TAF1C: variants seen among roughly 807,000 people sequenced by gnomAD.
TAF1C encodes TATA-box binding protein associated factor, RNA polymerase I subunit C, also known as TATA box-binding protein-associated factor RNA polymerase I subunit C.
TAF1C carries 79 observed loss-of-function variants against 70.5 expected under a neutral mutation model. That is an observed-to-expected ratio of 1.12 (90% confidence interval 0.93 to 1.35). The LOEUF (loss-of-function observed/expected upper bound fraction) is 1.35, where lower values mean the gene tolerates loss of function less well. Among genes scored for constraint, TAF1C ranks in the 40% most tolerant of loss-of-function variants. The probability of loss-of-function intolerance (pLI) is 0.00; values close to 1 mark genes in which losing one functional copy is unlikely to be tolerated. For missense variants in TAF1C, 1,412 were observed against 1,127.8 expected (o/e 1.25, Z -3.61); for synonymous variants, 614 against 491.1 (o/e 1.25, Z -3.31).
intron 12 of TAF1C, chr16:84,180,679 C>T (rs1456845524): frequency 1.3e-6 from 1 of 788,094 alleles, no homozygotes; most frequent in African/African-American, 1.8e-5. Context: ...TCGAGGCACG[C>T]CTACGAATGT....
At chr16:84,186,721 C>T (rs929339241) in intron 1 of TAF1C, among the ~76,000 whole-genome samples, 180 bp downstream of exon 1, 2 of 152,204 alleles carry the variant, frequency 1.3e-5, no homozygotes, top group African/African-American at 2.4e-5. Flanking sequence ...TCTCCAGGAC[C>T]CTTTAGACCT....
intron 12 of TAF1C, chr16:84,180,812 T>C: frequency 7.6e-7 from 1 of 1,307,878 alleles, no homozygotes; most frequent in Non-Finnish European, 9.8e-7. Context: ...GCTCCACCCC[T>C]GGCTGCACCT....
Position 84,180,179 on chromosome 16 carries a change from G to C in TAF1C, c.1474C>G (p.His492Asp), listed in dbSNP as rs4150165. Reference protein sequence around the residue: ...GGQGGQLQLLHLAGEGASVPR... With the variant: ...GGQGGQLQLLDLAGEGASVPR... Reference sequence around the variant, plus strand: ...TGGCCTGGACCCTCACCTGCCAGGTGCAGCAGCTGCAGCTGCCCACCCTGG... The same window carrying C: ...TGGCCTGGACCCTCACCTGCCAGGTCCAGCAGCTGCAGCTGCCCACCCTGG... The change falls in exon 13 of 15, where the codon CAC (histidine) becomes GAC (aspartate). Residue 492 changes from histidine to aspartate, a missense_variant. Transcript: ENST00000566732. The C allele has an allele frequency of 3.2e-6, 5 of 1,546,694 alleles. No homozygotes were observed. The highest frequency in any genetic ancestry group is 4.3e-6 in the Non-Finnish European group (5 of 1,154,734).
rs1030631782 is a variant in TAF1C, at chr16:84,177,960, G to C, written c.*981C>G. The C allele has an allele frequency of 2.6e-5, 22 of 857,662 alleles. No individual in the cohort carries two copies. The African/African-American group carries it at 3.5e-4, about 14-fold the overall frequency. 53.1% of individuals were successfully genotyped at this position (857,662 alleles called of 1,614,324 possible). A position where few individuals can be genotyped will look rare whatever the true frequency, so the allele number is the denominator to read the frequency against. On this transcript the variant is annotated 3_prime_UTR_variant, in exon 15 of 15. Coordinates refer to ENST00000566732, the MANE Select transcript of TAF1C (RefSeq NM_001243156.2). ...ATTGGGCTAGCTCCTGTTTGTGTGA[G>C]TCACATGCAATTCCTTTCACCAGCC... is the stretch of plus-strand genomic sequence containing the variant.
intron 1 of TAF1C, among the ~76,000 whole-genome samples, chr16:84,186,219 C>T (rs1453686821): frequency 2.0e-5 from 3 of 152,182 alleles, no homozygotes; most frequent in African/African-American, 4.8e-5. Context: ...TCGCATGCAC[C>T]GAAATGCAAA....
chr16:84,180,403 C>T, intron 12 of TAF1C, 59 bp from the exon 13 acceptor site: 1 of 1,487,866 alleles, frequency 6.7e-7, no homozygotes, highest in African/African-American at 1.4e-5. Context: ...TGTGTAGTGG[C>T]CCTCCAGGCC....
rs1390617432 is a variant in TAF1C, at chr16:84,179,483, GC to G, written c.1989del (p.Gln664SerfsTer24). On this transcript the variant is annotated frameshift_variant, in exon 15 of 15. Transcript: ENST00000566732. LOFTEE classifies it low-confidence loss of function (END_TRUNC). The part of the protein sequence containing the change: ...LGVLRKAMAR[G>X]QLLLQRDLGS... ...CCCAGGTCTCTCTGCAGCAGGAGCT[GC>G]CCTCGGGCCATGGCCTTGCGGAGCA... The G allele has an allele frequency of 6.3e-7, 1 of 1,599,154 alleles. No individual in the cohort carries two copies. The highest frequency in any genetic ancestry group is 8.5e-7 in the Non-Finnish European group (1 of 1,175,908).
chr16:84,183,418 T>A lies in TAF1C; in HGVS notation c.310A>T (p.Thr104Ser), dbSNP rs1224197821. ...RKRPRVVLDV[T>S]EQISRFLLDH... The stretch of plus-strand genomic sequence containing the variant: ...CCCGTGGGCCCACTCACCTGCTCAG[T>A]CACATCCAGCACGACTCGGGGCCGC... The change falls in exon 4 of 15, where the codon ACT becomes TCT. Residue 104 changes from threonine to serine, a missense_variant. Thr to Ser is a moderately conservative substitution (Grantham distance 58). Transcript: ENST00000566732. The A allele has an allele frequency of 3.7e-6, 6 of 1,612,896 alleles. No individual in the cohort carries two copies. In the African/African-American group the frequency reaches 8.0e-5, roughly 22 times the overall value.
chr16:84,179,568 G>A lies in TAF1C; in HGVS notation c.1905C>T (p.Arg635=), dbSNP rs779410452. 1.2e-6 allele frequency: 2 copies of A among 1,612,546 alleles called. No individual in the cohort carries two copies. Among genetic ancestry groups the A allele is most frequent in the African/African-American group, 2.7e-5 (2 of 74,924 alleles). ...GCAGCTCTGTGCTGCCCAGCATCTG[G>A]CGGTGGGTGAAGGTGGGTGCTGTCC... ...PVWTAPTFTH[R]QMLGSTELRR... Residue 635 remains arginine (R), a synonymous_variant, in exon 15 of 15, where the codon CGC becomes CGT. Transcript: ENST00000566732.
At position 84,182,116 on chromosome 16, in the gene TAF1C, T is replaced by G; in HGVS notation, c.722-58A>C. 6.3e-7 allele frequency: 1 copy of G among 1,593,356 alleles called. No individual in the cohort carries two copies. Among genetic ancestry groups the G allele is most frequent in the Non-Finnish European group, 8.6e-7 (1 of 1,168,418 alleles). ...TATGATCACTGCAAGCCCCCCAAAT[T>G]CCTGCCCTTCTCTGGACCATGCCAA... On this transcript the variant is annotated intron_variant, in intron 7 of 14. Coordinates refer to ENST00000566732, the MANE Select transcript of TAF1C (RefSeq NM_001243156.2). This position sits in a 1 kb window ranked among gnomAD's most constrained non-coding sequence, Gnocchi z 5.0.
chr16:84,179,897 G>A (rs368523970), intron 14 of TAF1C, 46 bp from the exon 15 acceptor site: 16 of 1,609,024 alleles, frequency 9.9e-6, no homozygotes, highest in Non-Finnish European at 1.4e-5. Context: ...GCGGGGGGAG[G>A]GGATGTTTTC....
chr16:84,178,699 G>A lies in TAF1C; in HGVS notation c.*242C>T, dbSNP rs893150131. ...AAAATCCCAGCAACACAGGCCCACC[G>A]GCACCTCCAGCCTGCCTTGCGGGAT... is the stretch of plus-strand genomic sequence containing the variant. On this transcript the variant is annotated 3_prime_UTR_variant, in exon 15 of 15. Coordinates refer to ENST00000566732, the MANE Select transcript of TAF1C (RefSeq NM_001243156.2). 3.4e-5 allele frequency: 19 copies of A among 564,952 alleles called. No homozygotes were observed. The highest frequency in any genetic ancestry group is 4.7e-4 in the Middle Eastern group (1 of 2,114). The allele number at this position is 564,952 out of a possible 1,614,324, so 35.0% of individuals were successfully genotyped here.
rs1230978742 is a variant in TAF1C, at chr16:84,179,454, G to A, written c.2019C>T (p.Ser673=). The A allele has an allele frequency of 1.3e-6, 2 of 1,597,608 alleles. No individual in the cohort carries two copies. Among genetic ancestry groups the A allele is most frequent in the Non-Finnish European group, 8.5e-7 (1 of 1,177,036 alleles). The change falls in exon 15 of 15, where the codon TCC becomes TCT. Residue 673 remains serine (S), a synonymous_variant. Transcript: ENST00000566732. ...GQLLLQRDLG[S]LPAAEPPPAP... The stretch of plus-strand genomic sequence containing the variant: ...CAGGGGGTGGCTCTGCCGCAGGGAG[G>A]GAGCCCAGGTCTCTCTGCAGCAGGA...
In TAF1C at chr16:84,180,844, C is replaced by T. The variant is rs1419683360; in HGVS notation, c.1308+199G>A. 5.0e-6 allele frequency: 7 copies of T among 1,407,136 alleles called. No individual in the cohort carries two copies. In the African/African-American group the frequency reaches 1.0e-4, roughly 20 times the overall value. The allele number at this position is 1,407,136 out of a possible 1,614,324, so 87.2% of individuals were successfully genotyped here. A position where few individuals can be genotyped will look rare whatever the true frequency, so the allele number is the denominator to read the frequency against. ...ACCTCGAAGCTCTACTAAGGGGAGG[C>T]CCTGGGAGAGCTTCCCCACCTGCCT... On this transcript the variant is annotated intron_variant, in intron 12 of 14. Transcript: ENST00000566732.
At chr16:84,186,243 G>A (rs4150116) in intron 1 of TAF1C, among the ~76,000 whole-genome samples, 39,878 of 152,192 alleles carry the variant, frequency 0.26, 6,147 homozygotes, top group Admixed American at 0.39. Context: ...TAGCATTAGA[G>A]TCTCGCTATA....
At position 84,182,478 on chromosome 16, in the gene TAF1C, C is replaced by T. The variant is rs2089260580; in HGVS notation, c.483-38G>A. On this transcript the variant is annotated intron_variant, in intron 6 of 14. Coordinates refer to ENST00000566732, the MANE Select transcript of TAF1C (RefSeq NM_001243156.2). The surrounding 1 kb of genome is among the most constrained non-coding windows in gnomAD (Gnocchi z 5.0). ...GAACAGCAGGAGGATCACTCGGTGG[C>T]ACTCAGGGGAGGACAGGTCCCATCC... The T allele has an allele frequency of 5.1e-6, 8 of 1,566,482 alleles. No individual in the cohort carries two copies. In the African/African-American group the frequency reaches 5.4e-5, roughly 11 times the overall value.
In TAF1C at chr16:84,183,705, G is replaced by A. The variant is rs369176677; in HGVS notation, c.212C>T (p.Pro71Leu). The A allele has an allele frequency of 4.2e-5, 68 of 1,612,056 alleles. No homozygotes were observed. In the Middle Eastern group the frequency reaches 2.6e-3, roughly 61 times the overall value. ...GGGAATGAGACCCTTACCGATGAGG[G>A]GAGGCAGCATGGGGAGAGGCCCAGG... ...ATPGPLPMLP[P>L]LIDPWDPGLT... The change falls in exon 3 of 15, where the codon CCC (proline) becomes CTC (leucine). Residue 71 changes from proline to leucine, a missense_variant. Pro to Leu is a moderately conservative substitution (Grantham distance 98). Transcript: ENST00000566732.
Position 84,181,144 on chromosome 16 carries a change from C to G in TAF1C, c.1207G>C (p.Glu403Gln), listed in dbSNP as rs769315125. The change falls in exon 12 of 15, where the codon GAG becomes CAG. Residue 403 changes from glutamate (E) to glutamine (Q), a missense_variant. Coordinates refer to ENST00000566732, the MANE Select transcript of TAF1C (RefSeq NM_001243156.2). ...CGTTCCCCTTTCTGGCACGAAGCCT[C>G]TGCCCCCAAACGAAAAAGCAACAGA... ...CGLLLFRLGA[E>Q]ASCQKGERVL... is the part of the protein sequence containing the mutation. 1 of 1,612,330 alleles carries G rather than the reference C, an allele frequency of 6.2e-7. No homozygotes were observed. Among genetic ancestry groups the G allele is most frequent in the Non-Finnish European group, 8.5e-7 (1 of 1,178,550 alleles).
chr16:84,179,155 G>A lies in TAF1C; in HGVS notation c.2318C>T (p.Thr773Ile). The A allele has an allele frequency of 6.2e-7, 1 of 1,605,984 alleles. No individual in the cohort carries two copies. Among genetic ancestry groups the A allele is most frequent in the Non-Finnish European group, 8.5e-7 (1 of 1,179,292 alleles). The change falls in exon 15 of 15, where the codon ACT (threonine) becomes ATT (isoleucine). Residue 773 changes from threonine (T) to isoleucine (I), a missense_variant. Coordinates refer to ENST00000566732, the MANE Select transcript of TAF1C (RefSeq NM_001243156.2). The part of the protein sequence containing the change: ...PPTTPPSQEL[T>I]PDACAQGVPS... ...GACGCCCTGGGCGCATGCATCCGGA[G>A]TCAACTCCTGGGAGGGCGGGGTCGT...
Sources: allele counts gnomAD v4.1 joint callset (sites outside exome capture counted in the v4.1 genomes callset), GRCh38; gene constraint gnomAD v4.1.1; non-coding constraint Gnocchi (gnomAD v3.1); transcripts MANE v1.5; gene names NCBI Gene and HGNC (gene_info 2026-07-23, HGNC 2026-07-21).